RIPOR3: variants seen among roughly 807,000 people sequenced by gnomAD.
RIPOR3 encodes RIPOR family member 3, also known as family with sequence similarity 65 member C.
Under a neutral mutation model 114.3 loss-of-function variants are expected in RIPOR3, and 95 were observed. The observed-to-expected ratio is 0.83, with a 90% confidence interval of 0.70 to 0.99. The LOEUF (loss-of-function observed/expected upper bound fraction) is 0.99, where lower values mean the gene tolerates loss of function less well. RIPOR3 is among the 50% of genes least tolerant of loss of function. RIPOR3 has a pLI of 0.00. For synonymous variants in RIPOR3, 575 were observed against 543.8 expected (o/e 1.06, Z -0.80); for missense variants, 1,252 against 1,266.9 (o/e 0.99, Z 0.18).
chr20:50,592,458 C>T lies in RIPOR3; in HGVS notation c.2463G>A (p.Leu821=), dbSNP rs765776613. The T allele has an allele frequency of 5.6e-6, 9 of 1,612,060 alleles. 1 individual carries two copies. In the South Asian group the frequency reaches 8.8e-5, roughly 16 times the overall value. Residue 821 remains leucine, a synonymous_variant, in exon 19 of 22, where the codon CTG becomes CTA. Transcript: ENST00000327979. The part of the protein sequence containing the change: ...QGKRLGQLQP[L]PQTLRAWALL... ...GCGCCCAGGCTCTTAAGGTCTGGGG[C>T]AGAGGCTGGAGCTGGCCCAGCCGCT...
intron 1 of RIPOR3, among the ~76,000 whole-genome samples, chr20:50,650,249 A>G (rs550792117): frequency 6.6e-6 from 1 of 152,158 alleles, no homozygotes; most frequent in African/African-American, 2.4e-5. Flanking sequence ...CTCGAGATCT[A>G]TTCACCTCCC....
chr20:50,599,903 C>CTTTT (rs10639593), intron 13 of RIPOR3, among the ~76,000 whole-genome samples: 15 of 151,570 alleles, frequency 9.9e-5, no homozygotes, highest in African/African-American at 2.9e-4. Context: ...CACACACACA[C>CTTTT]TTTTTTTTCT....
At chr20:50,621,691 G>A (rs530010218) in intron 2 of RIPOR3, among the ~76,000 whole-genome samples, 1 of 152,288 alleles carries the variant, frequency 6.6e-6, no homozygotes, top group South Asian at 2.1e-4. Flanking sequence ...AACACAGAGA[G>A]GAACAAACAG....
At chr20:50,609,949 A>C (rs997139965) in intron 6 of RIPOR3, among the ~76,000 whole-genome samples, 13 of 144,798 alleles carry the variant, frequency 9.0e-5, no homozygotes, top group East Asian at 2.0e-4. Flanking sequence ...CACCTGCCTC[A>C]CCTGCCACCA....
intron 1 of RIPOR3, among the ~76,000 whole-genome samples, chr20:50,671,560 T>A (rs2086497069): frequency 6.6e-6 from 1 of 152,176 alleles, no homozygotes; most frequent in Non-Finnish European, 1.5e-5. Context: ...AATAGATAGA[T>A]AACTAATAGC....
At chr20:50,628,063 G>C (rs1396436666) in intron 2 of RIPOR3, among the ~76,000 whole-genome samples, 1 of 152,234 alleles carries the variant, frequency 6.6e-6, no homozygotes, top group Non-Finnish European at 1.5e-5. Context: ...CTGCAAGAAA[G>C]TGGGGGACTC....
chr20:50,655,293 AC>A (rs1568930981), intron 1 of RIPOR3, among the ~76,000 whole-genome samples: 1 of 151,980 alleles, frequency 6.6e-6, no homozygotes. Context: ...AAAGTGACAA[AC>A]CCCCAGAAGT....
intron 2 of RIPOR3, 68 bp downstream of exon 2, chr20:50,630,670 C>G (rs1343390565): frequency 1.4e-6 from 2 of 1,381,268 alleles, no homozygotes; most frequent in East Asian, 5.1e-5. Context: ...GAGGATGACC[C>G]TGCCCTTCCC....
chr20:50,668,464 C>T (rs1004695403), intron 1 of RIPOR3, among the ~76,000 whole-genome samples: 1 of 152,144 alleles, frequency 6.6e-6, no homozygotes, highest in Non-Finnish European at 1.5e-5. Flanking sequence ...CCAACCTTTG[C>T]GCCTCCTCCT....
intron 5 of RIPOR3, 86 bp downstream of exon 5, chr20:50,611,095 A>G: frequency 6.2e-7 from 1 of 1,603,084 alleles, no homozygotes; most frequent in Non-Finnish European, 8.5e-7. Flanking sequence ...TTTTCTGCCC[A>G]TCAGGCAGCC....
intron 4 of RIPOR3, among the ~76,000 whole-genome samples, chr20:50,612,119 C>T (rs60070831): frequency 0.051 from 7,033 of 138,572 alleles, 339 homozygotes; most frequent in East Asian, 0.25. Context: ...AGCGAGACTC[C>T]ATCTCAAAAA....
At chr20:50,629,395 C>T (rs193299418) in intron 2 of RIPOR3, among the ~76,000 whole-genome samples, 34 of 152,294 alleles carry the variant, frequency 2.2e-4, no homozygotes, top group African/African-American at 7.9e-4. Flanking sequence ...CCTGCCTGCT[C>T]GTAAATGGTT....
Position 50,587,099 on chromosome 20 carries a change from T to C in RIPOR3, c.*133A>G. The C allele has an allele frequency of 1.5e-6, 1 of 688,690 alleles. No homozygotes were observed. Among genetic ancestry groups the C allele is most frequent in the Non-Finnish European group, 2.5e-6 (1 of 398,030 alleles). 42.7% of individuals were successfully genotyped at this position (688,690 alleles called of 1,614,324 possible). A position where few individuals can be genotyped will look rare whatever the true frequency, so the allele number is the denominator to read the frequency against. On this transcript the variant is annotated 3_prime_UTR_variant, in exon 22 of 22. Coordinates refer to ENST00000327979, the MANE Select transcript of RIPOR3 (RefSeq NM_001290268.2). ...CCTGGGGCTGGGTCAATGGCCGGAG[T>C]CTCAGGTAGAGCTCTGGGCAGCTCA...
intron 17 of RIPOR3, among the ~76,000 whole-genome samples, chr20:50,593,452 T>G (rs970103061): frequency 7.2e-5 from 11 of 152,044 alleles, no homozygotes; most frequent in African/African-American, 2.7e-4. Flanking sequence ...CCTGCCTGTT[T>G]CCCAGCAACT....
intron 1 of RIPOR3, among the ~76,000 whole-genome samples, chr20:50,686,197 C>G (rs1360070265): frequency 6.6e-6 from 1 of 151,842 alleles, no homozygotes; most frequent in East Asian, 2.0e-4. Flanking sequence ...GCTGGGATTA[C>G]AGGCGCCCAC....
At chr20:50,675,665 G>A (rs1309495179) in intron 1 of RIPOR3, among the ~76,000 whole-genome samples, 1 of 152,110 alleles carries the variant, frequency 6.6e-6, no homozygotes. Context: ...CCCTATTTAG[G>A]GTCTGACAAA....
chr20:50,686,884 G>T (rs916162257), intron 1 of RIPOR3, among the ~76,000 whole-genome samples: 1 of 152,118 alleles, frequency 6.6e-6, no homozygotes, highest in African/African-American at 2.4e-5. Flanking sequence ...CTTGTCCTTG[G>T]CCTGGACTAT....
rs114730811 is a variant in RIPOR3 at position 50,649,488 on chromosome 20, C to T, written c.4-18632G>A. ...CCCTGGGAAGGATGCCTGGCACACT[C>T]AGAGGTGGGACAATGGTGACAGTCC... On this transcript the variant is annotated intron_variant, in intron 1 of 21. Transcript: ENST00000327979. Among the ~76,000 whole-genome samples, 1,187 of 152,270 alleles carry T rather than the reference C, an allele frequency of 7.8e-3. 25 individuals carry two copies. Among genetic ancestry groups the T allele is most frequent in the African/African-American group, 0.027 (1,112 of 41,564 alleles).
chr20:50,621,552 G>A (rs2084403947), intron 2 of RIPOR3, among the ~76,000 whole-genome samples: 1 of 152,248 alleles, frequency 6.6e-6, no homozygotes, highest in Non-Finnish European at 1.5e-5. Context: ...AGCCTGGCCA[G>A]TAGCCAGCCA....
Sources: gnomAD v4.1 joint callset for allele counts (sites outside exome capture counted in the v4.1 genomes callset) on GRCh38, gnomAD v4.1.1 for gene constraint, MANE v1.5 for transcripts, NCBI Gene and HGNC (gene_info 2026-07-23, HGNC 2026-07-21) for gene names.